The following ZNF577 variants were observed in gnomAD, a reference collection of about 807,000 sequenced individuals.
ZNF577 encodes the protein zinc finger protein 577.
ZNF577 carries 14 observed loss-of-function variants against 13.9 expected under a neutral mutation model. The observed-to-expected ratio is 1.00, with a 90% CI of 0.66 to 1.57. The LOEUF (loss-of-function observed/expected upper bound fraction) is 1.57. Ranked by LOEUF, ZNF577 falls within the 40% of genes most tolerant of loss-of-function variation. ZNF577 has a pLI of 0.00. For missense variants in ZNF577, 555 were observed against 579.2 expected, an observed-to-expected ratio of 0.96 and a Z score of 0.43; for synonymous variants, 203 against 202.9, an observed-to-expected ratio of 1.00 and a Z score of 0.00.
rs752368514 is a variant in ZNF577 at position 51,873,460 on chromosome 19, T to C, written c.530A>G (p.Gln177Arg). 3.1e-6 allele frequency: 5 copies of C among 1,614,114 alleles called. No individual in the cohort carries two copies. The highest frequency in any genetic ancestry group is 4.2e-6 in the Non-Finnish European group (5 of 1,180,044). Residue 177 changes from glutamine (Q) to arginine (R), a missense_variant, in exon 6 of 6, where the codon CAG becomes CGG. Physicochemically the swap from Gln to Arg is conservative, Grantham distance 43. Transcript: ENST00000638348. ...GGGTTTCTCTCCTCTTTCAGTTCTC[T>C]GATGTTGAATAAGCTGTGCTTTCCT... ...FSRKAQLIQH[Q>R]RTERGEKPHG... is the part of the protein sequence containing the mutation.
chr19:51,886,344 T>A (rs1489278798), intron 1 of ZNF577: 1 of 152,202 alleles, frequency 6.6e-6, no homozygotes, highest in Non-Finnish European at 1.5e-5. Context: ...AATGACGAAC[T>A]CACATCTAAT....
At chr19:51,848,132 A>C (rs536378301) in intron 5 of ZNF577, among the ~76,000 whole-genome samples, 1 of 152,268 alleles carries the variant, frequency 6.6e-6, no homozygotes, top group Non-Finnish European at 1.5e-5. Context: ...TAATCTTCTA[A>C]AGACCTCTCA....
intron 5 of ZNF577, 97 bp from the exon 6 acceptor site, chr19:51,873,803 G>A (rs1401337385): frequency 3.0e-5 from 29 of 963,348 alleles, no homozygotes; most frequent in Non-Finnish European, 4.0e-5. Flanking sequence ...TTATTTCCAA[G>A]GGCATAACTT....
intron 9 of ZNF577, among the ~76,000 whole-genome samples, chr19:51,836,781 C>T (rs894924655): frequency 1.3e-5 from 2 of 152,166 alleles, no homozygotes; most frequent in African/African-American, 4.8e-5. Flanking sequence ...CAGTAGCTCA[C>T]GCCTGTAATA....
chr19:51,880,176 C>A (rs569245889), intron 3 of ZNF577, 147 bp downstream of exon 3: 3 of 858,324 alleles, frequency 3.5e-6, no homozygotes, highest in African/African-American at 3.4e-5. Context: ...GGCATTACTC[C>A]TTAGCTTACC....
downstream of ZNF577, chr19:51,863,005 T>C (rs1346079915): frequency 6.6e-6 from 1 of 152,226 alleles, no homozygotes; most frequent in East Asian, 1.9e-4. Flanking sequence ...CCCTTCTCTA[T>C]GATGAGTTTT....
In ZNF577 at chr19:51,868,710, T is replaced by G. The variant is rs74256617; in HGVS notation, c.*3822A>C. Among the ~76,000 whole-genome samples, 1 of 152,060 alleles carries G rather than the reference T, an allele frequency of 6.6e-6. No individual in the cohort carries two copies. Among genetic ancestry groups the G allele is most frequent in the African/African-American group, 2.4e-5 (1 of 41,404 alleles). ...CCCAGATAGAATTCACTCATGTGTGTGGGGGAAAGAAAGATAGATCAGACT... is the reference window on the plus strand; with the variant it reads ...CCCAGATAGAATTCACTCATGTGTGGGGGGGAAAGAAAGATAGATCAGACT... On this transcript the variant is annotated 3_prime_UTR_variant, in exon 6 of 6. Coordinates refer to ENST00000638348, the MANE Select transcript of ZNF577 (RefSeq NM_001370449.1).
At chr19:51,815,061 C>G (rs1026924634) in intron 9 of ZNF577, among the ~76,000 whole-genome samples, 1 of 152,126 alleles carries the variant, frequency 6.6e-6, no homozygotes, top group Non-Finnish European at 1.5e-5. Flanking sequence ...CCGCCCACCT[C>G]GGCCTCCCAA....
chr19:51,853,567 G>A (rs753789623), intron 5 of ZNF577, among the ~76,000 whole-genome samples: 3 of 152,280 alleles, frequency 2.0e-5, no homozygotes, highest in South Asian at 2.1e-4. Context: ...AGAGGATAAC[G>A]GCTGTTCAGC....
chr19:51,855,340 C>CA (rs2084406844), intron 5 of ZNF577, among the ~76,000 whole-genome samples: 2 of 149,548 alleles, frequency 1.3e-5, no homozygotes, highest in Non-Finnish European at 3.0e-5. Context: ...TTTCTCTGAG[C>CA]AAGTTTTCCA....
chr19:51,807,245 G>A (rs189672079), intron 10 of ZNF577, among the ~76,000 whole-genome samples: 78 of 152,244 alleles, frequency 5.1e-4, no homozygotes, highest in Admixed American at 4.6e-4. Context: ...CTAGCAGCCT[G>A]ATTCACAGCA....
intron 5 of ZNF577, among the ~76,000 whole-genome samples, chr19:51,875,447 C>T (rs552556139): frequency 7.9e-5 from 12 of 151,756 alleles, no homozygotes; most frequent in Admixed American, 5.2e-4. Flanking sequence ...AAACAAGAGC[C>T]GACAGCGAAA....
In ZNF577 at chr19:51,869,545, G is replaced by A. The variant is rs1327404016; in HGVS notation, c.*2987C>T. Among the ~76,000 whole-genome samples, 1 of 152,066 alleles carries A rather than the reference G, an allele frequency of 6.6e-6. No homozygotes were observed. The highest frequency in any genetic ancestry group is 2.4e-5 in the African/African-American group (1 of 41,390). ...ATGCTGAGGGAACTCAGAGACCAGT[G>A]CCGGTGCGGGTCCTCCATATGCTGA... On this transcript the variant is annotated 3_prime_UTR_variant, in exon 6 of 6. Coordinates refer to ENST00000638348, the MANE Select transcript of ZNF577 (RefSeq NM_001370449.1).
intron 5 of ZNF577, among the ~76,000 whole-genome samples, chr19:51,853,599 G>A (rs528116069): frequency 6.3e-4 from 96 of 152,284 alleles, no homozygotes; most frequent in African/African-American, 2.2e-3. Flanking sequence ...GTAACTGTAC[G>A]GGAGTCTATG....
intron 3 of ZNF577, chr19:51,878,809 A>C (rs974242380): frequency 4.2e-5 from 12 of 288,156 alleles, no homozygotes; most frequent in African/African-American, 2.5e-4. Context: ...GGGTTAAATT[A>C]CAGCACCTCC....
At chr19:51,857,377 A>AGAAAGAAG (rs2084439372) in intron 5 of ZNF577, among the ~76,000 whole-genome samples, 1 of 105,910 alleles carries the variant, frequency 9.4e-6, no homozygotes. Context: ...AAAGAAAGAA[A>AGAAAGAAG]GAAAGAAAGA....
At chr19:51,876,599 C>T (rs1195763505) in intron 5 of ZNF577, among the ~76,000 whole-genome samples, 2 of 151,898 alleles carry the variant, frequency 1.3e-5, no homozygotes, top group African/African-American at 2.4e-5. Context: ...TCCAGAGGGG[C>T]CGGGATACAC....
intron 5 of ZNF577, among the ~76,000 whole-genome samples, chr19:51,874,612 G>C (rs2084726551): frequency 6.6e-6 from 1 of 152,192 alleles, no homozygotes; most frequent in Admixed American, 6.5e-5. Flanking sequence ...GGAAGACTTT[G>C]TTAGAAACTG....
chr19:51,876,510 A>T (rs979585198), intron 5 of ZNF577, among the ~76,000 whole-genome samples: 1 of 151,504 alleles, frequency 6.6e-6, no homozygotes. Context: ...AAGTCGACAG[A>T]GATGCCCCAA....
Sources: allele counts gnomAD v4.1 joint callset (sites outside exome capture counted in the v4.1 genomes callset), GRCh38; gene constraint gnomAD v4.1.1; transcripts MANE v1.5; gene names NCBI Gene and HGNC (gene_info 2026-07-23, HGNC 2026-07-21).